ARHGAP24: variants seen among roughly 807,000 people sequenced by gnomAD.
ARHGAP24 encodes the protein Rho GTPase activating protein 24.
ARHGAP24 carries 50 observed loss-of-function variants against 76.4 expected under a neutral mutation model. The observed-to-expected ratio is 0.65, with a 90% CI of 0.52 to 0.83. The LOEUF is 0.83. Ranked by LOEUF, ARHGAP24 falls within the 40% of genes least tolerant of loss-of-function variation. The pLI, the probability that ARHGAP24 is intolerant of heterozygous loss-of-function variation, is 0.00. For missense variants in ARHGAP24, 930 were observed against 914.2 expected (o/e 1.02, Z -0.22); for synonymous variants, 345 against 323.3 (o/e 1.07, Z -0.72).
chr4:85,912,739 C>T (rs1319477873), intron 3 of ARHGAP24, among the ~76,000 whole-genome samples: 13 of 152,114 alleles, frequency 8.5e-5, no homozygotes, highest in Admixed American at 8.5e-4. Flanking sequence ...AATATTAAAA[C>T]TTGTTTTAAA....
intron 5 of ARHGAP24, among the ~76,000 whole-genome samples, chr4:85,966,886 T>C (rs978737759): frequency 2.0e-5 from 3 of 152,174 alleles, no homozygotes; most frequent in Non-Finnish European, 4.4e-5. Flanking sequence ...TTCTATTCAG[T>C]TAAACCAAGG....
intron 1 of ARHGAP24, among the ~76,000 whole-genome samples, chr4:85,551,611 T>G (rs6847070): frequency 0.91 from 139,212 of 152,216 alleles, 64,858 homozygotes; most frequent in East Asian, 1. Context: ...ATAGAAATGG[T>G]AACAGCTCTT....
chr4:85,583,972 G>GA (rs1353533050), intron 2 of ARHGAP24, among the ~76,000 whole-genome samples: 4 of 150,178 alleles, frequency 2.7e-5, no homozygotes, highest in Non-Finnish European at 5.9e-5. Context: ...GCAGAAATAG[G>GA]AACACTTTGA....
At chr4:85,480,153 T>C (rs1399046108) in intron 1 of ARHGAP24, among the ~76,000 whole-genome samples, 1 of 152,190 alleles carries the variant, frequency 6.6e-6, no homozygotes, top group East Asian at 1.9e-4. Context: ...CCCCCCTTTT[T>C]AACTACTGAG....
intron 2 of ARHGAP24, among the ~76,000 whole-genome samples, chr4:85,683,589 CATATT>C (rs1278540199): frequency 6.6e-6 from 1 of 152,128 alleles, no homozygotes; most frequent in Non-Finnish European, 1.5e-5. Context: ...GATTTTAAAA[CATATT>C]AGATTTTTAT....
chr4:85,748,377 G>A (rs1253483588), intron 3 of ARHGAP24, among the ~76,000 whole-genome samples: 1 of 152,242 alleles, frequency 6.6e-6, no homozygotes, highest in African/African-American at 2.4e-5. Flanking sequence ...TGATAGGCCA[G>A]AAAGATAGTT....
At chr4:85,726,227 T>C (rs1725160220) in intron 3 of ARHGAP24, among the ~76,000 whole-genome samples, 1 of 149,050 alleles carries the variant, frequency 6.7e-6, no homozygotes, top group African/African-American at 2.4e-5. Flanking sequence ...AGTTTTAGCC[T>C]CTTTTGGGGG....
At chr4:85,528,455 T>C (rs1725111792) in intron 1 of ARHGAP24, among the ~76,000 whole-genome samples, 1 of 152,030 alleles carries the variant, frequency 6.6e-6, no homozygotes, top group Admixed American at 6.6e-5. Context: ...GTGTACAATA[T>C]GGATTGGAGG....
At chr4:85,762,351 T>C (rs907304903) in intron 3 of ARHGAP24, among the ~76,000 whole-genome samples, 1 of 152,184 alleles carries the variant, frequency 6.6e-6, no homozygotes, top group Non-Finnish European at 1.5e-5. Context: ...TATGATACTT[T>C]TTCTTTGAGA....
intron 2 of ARHGAP24, among the ~76,000 whole-genome samples, chr4:85,703,580 A>T (rs1724184832): frequency 6.6e-6 from 1 of 152,106 alleles, no homozygotes. Flanking sequence ...GGCCCCAGAG[A>T]GATCCTTGCC....
chr4:85,669,527 T>C (rs976499211), intron 2 of ARHGAP24, among the ~76,000 whole-genome samples: 1 of 151,576 alleles, frequency 6.6e-6, no homozygotes, highest in Non-Finnish European at 1.5e-5. Flanking sequence ...AAGGTACGTA[T>C]GTTTGTATGT....
chr4:85,827,863 A>G, intron 3 of ARHGAP24: 1 of 1,266,086 alleles, frequency 7.9e-7, no homozygotes, highest in South Asian at 1.2e-5. Flanking sequence ...GTAGGACCTG[A>G]GTTGGGCTCG....
intron 3 of ARHGAP24, among the ~76,000 whole-genome samples, chr4:85,798,375 G>T (rs1427462525): frequency 2.6e-5 from 4 of 152,182 alleles, no homozygotes; most frequent in Admixed American, 2.6e-4. Context: ...AGTGCCAAGA[G>T]TTGGGACTGG....
At chr4:85,777,759 G>A (rs1199965389) in intron 3 of ARHGAP24, among the ~76,000 whole-genome samples, 2 of 129,924 alleles carry the variant, frequency 1.5e-5, no homozygotes, top group East Asian at 4.0e-4. Context: ...ATGAATGTTC[G>A]ATAAATATTT....
chr4:85,881,139 A>G (rs73833945), intron 3 of ARHGAP24, among the ~76,000 whole-genome samples: 1,865 of 152,308 alleles, frequency 0.012, 43 homozygotes, highest in African/African-American at 0.042. Context: ...CAAGATGCCT[A>G]CTAAGTGACA....
At chr4:85,545,929 T>A (rs1725905320) in intron 1 of ARHGAP24, among the ~76,000 whole-genome samples, 2 of 152,206 alleles carry the variant, frequency 1.3e-5, no homozygotes. Context: ...TACATTTACA[T>A]AATATTTGAG....
intron 2 of ARHGAP24, among the ~76,000 whole-genome samples, chr4:85,698,034 A>T (rs1209478699): frequency 6.6e-6 from 1 of 152,182 alleles, no homozygotes; most frequent in Non-Finnish European, 1.5e-5. Context: ...AGAAGTGTGT[A>T]TTTGAGGGGA....
At chr4:85,911,281 G>T (rs1735062805) in intron 3 of ARHGAP24, among the ~76,000 whole-genome samples, 1 of 152,192 alleles carries the variant, frequency 6.6e-6, no homozygotes, top group Non-Finnish European at 1.5e-5. Flanking sequence ...ACTTGTCCCT[G>T]GCTCCTGCCG....
chr4:85,957,020 A>AC (rs973244460), intron 5 of ARHGAP24, among the ~76,000 whole-genome samples: 5 of 151,822 alleles, frequency 3.3e-5, no homozygotes, highest in African/African-American at 9.7e-5. Flanking sequence ...CTATTTCTTT[A>AC]CCTCCTGTTT....
Sources: gnomAD v4.1 joint callset for allele counts (sites outside exome capture counted in the v4.1 genomes callset) on GRCh38, gnomAD v4.1.1 for gene constraint, MANE v1.5 for transcripts, NCBI Gene and HGNC (gene_info 2026-07-23, HGNC 2026-07-21) for gene names.